DNAH14: variants seen among roughly 807,000 people sequenced by gnomAD.
DNAH14 encodes dynein axonemal heavy chain 14.
A neutral mutation model predicts 520.9 loss-of-function variants in DNAH14; 478 were observed. The ratio of observed to expected loss-of-function variants is 0.92; its 90% CI spans 0.85 to 0.99. DNAH14 has a LOEUF of 0.99. Among genes scored for constraint, DNAH14 ranks in the 50% least tolerant of loss-of-function variants. The pLI, the probability that DNAH14 is intolerant of heterozygous loss-of-function variation, is 0.00. For synonymous variants in DNAH14, 1,581 were observed against 1,757.2 expected (o/e 0.90, Z 2.51); for missense variants, 4,831 against 5,234.5 (o/e 0.92, Z 2.38).
intron 53 of DNAH14, among the ~76,000 whole-genome samples, chr1:225,276,985 GGGAGGGAGGAAGGA>G (rs1558241757): frequency 7.1e-4 from 21 of 29,406 alleles, no homozygotes; most frequent in African/African-American, 3.5e-3. Flanking sequence ...AAGGAAGGAA[GGGAGGGAGGAAGGA>G]AGGGAGGGAG....
intron 42 of DNAH14, among the ~76,000 whole-genome samples, chr1:225,234,602 A>T (rs1210920416): frequency 6.6e-6 from 1 of 152,178 alleles, no homozygotes; most frequent in Non-Finnish European, 1.5e-5. Context: ...GTAGTTTAAT[A>T]GGAATAGCAT....
chr1:225,127,489 TG>T (rs913017801), intron 27 of DNAH14, among the ~76,000 whole-genome samples: 2 of 152,184 alleles, frequency 1.3e-5, no homozygotes, highest in African/African-American at 4.8e-5. Flanking sequence ...CTTTGATCTT[TG>T]TTGGTTTAAA....
At chr1:225,112,516 G>C (rs1479977909) in intron 23 of DNAH14, among the ~76,000 whole-genome samples, 2 of 151,874 alleles carry the variant, frequency 1.3e-5, no homozygotes, top group Non-Finnish European at 2.9e-5. Context: ...CTTTCTCTAG[G>C]TTTGAGAAGT....
intron 17 of DNAH14, among the ~76,000 whole-genome samples, chr1:225,071,293 C>T (rs2071514152): frequency 6.6e-6 from 1 of 152,088 alleles, no homozygotes; most frequent in African/African-American, 2.4e-5. Flanking sequence ...CTGTGTACTT[C>T]AGTGTGTTTT....
At chr1:225,178,412 G>A (rs1301389162) in intron 36 of DNAH14, among the ~76,000 whole-genome samples, 2 of 152,112 alleles carry the variant, frequency 1.3e-5, no homozygotes, top group African/African-American at 4.8e-5. Flanking sequence ...GATCTCATGA[G>A]ACTTAATTCA....
Position 225,152,902 on chromosome 1 carries a change from C to T in DNAH14, c.5196+19C>T, listed in dbSNP as rs2080642743. On this transcript the variant is annotated intron_variant, in intron 33 of 85. Transcript: ENST00000682510. Reference sequence around the variant, plus strand: ...ACAACAGGTAAATAGCTACTTTTCTCAAAATATTTAAAGGTGATTATATAA... The same window carrying T: ...ACAACAGGTAAATAGCTACTTTTCTTAAAATATTTAAAGGTGATTATATAA... 3 of 1,542,914 alleles carry T rather than the reference C, an allele frequency of 1.9e-6. No homozygotes were observed. Among genetic ancestry groups the T allele is most frequent in the Non-Finnish European group, 2.6e-6 (3 of 1,144,798 alleles).
At chr1:225,323,841 G>A (rs963787624) in intron 62 of DNAH14, among the ~76,000 whole-genome samples, 3 of 151,678 alleles carry the variant, frequency 2.0e-5, no homozygotes, top group African/African-American at 7.3e-5. Context: ...TTTTTAGACA[G>A]AGTCTCACTC....
At chr1:225,035,975 A>G (rs1274398996) in intron 11 of DNAH14, among the ~76,000 whole-genome samples, 1 of 152,146 alleles carries the variant, frequency 6.6e-6, no homozygotes, top group Non-Finnish European at 1.5e-5. Flanking sequence ...CTTTCCCTTT[A>G]GATCTAATAA....
At chr1:225,361,019 C>T (rs535475806) in intron 75 of DNAH14, 128 bp downstream of exon 75, 8 of 807,640 alleles carry the variant, frequency 9.9e-6, no homozygotes, top group African/African-American at 8.7e-5. Flanking sequence ...TCAGATGAAA[C>T]TTAACCTATC....
intron 31 of DNAH14, among the ~76,000 whole-genome samples, chr1:225,149,970 T>C (rs1302588807): frequency 1.3e-5 from 2 of 152,182 alleles, no homozygotes; most frequent in Admixed American, 1.3e-4. Flanking sequence ...GGCATACTTG[T>C]CTTGTGTCAG....
chr1:225,366,624 C>T (rs1191572272), intron 76 of DNAH14, among the ~76,000 whole-genome samples: 1 of 152,184 alleles, frequency 6.6e-6, no homozygotes, highest in Non-Finnish European at 1.5e-5. Flanking sequence ...GAAAGGCAGA[C>T]ATGCCTTGGA....
In DNAH14 at chr1:225,043,779, A is replaced by G. The variant is rs761730068; in HGVS notation, c.1804A>G (p.Met602Val). 20 of 1,466,052 alleles carry G rather than the reference A, an allele frequency of 1.4e-5. No individual in the cohort carries two copies. The highest frequency in any genetic ancestry group is 1.6e-5 in the Non-Finnish European group (17 of 1,072,670). The allele number at this position is 1,466,052 out of a possible 1,614,324, so 90.8% of individuals were successfully genotyped here. Residue 602 changes from methionine (M) to valine (V), a missense_variant, in exon 14 of 86, where the codon ATG becomes GTG. Met to Val is a conservative substitution (Grantham distance 21, BLOSUM62 1). Transcript: ENST00000682510. The stretch of plus-strand genomic sequence containing the variant: ...TGAGACTGAGTTTGAGAATAAATAC[A>G]TGTATTATGAGTAAGTATTAGACAT... The part of the protein sequence containing the change: ...EIETEFENKY[M>V]YYEFPEFPTN...
Position 225,300,861 on chromosome 1 carries a change from T to G in DNAH14, c.8470-8T>G. On this transcript the variant is annotated splice_region_variant and splice_polypyrimidine_tract_variant and intron_variant, in intron 55 of 85. Transcript: ENST00000682510. ...ACTCTTCCTCATTAAATATGTGTTT[T>G]GCCTAAGGACTCATTTTTAGAAGAT... 6.5e-7 allele frequency: 1 copy of G among 1,550,356 alleles called. No individual in the cohort carries two copies. Among genetic ancestry groups the G allele is most frequent in the Non-Finnish European group, 8.7e-7 (1 of 1,146,536 alleles).
In DNAH14 at chr1:225,080,421, A is replaced by C. The variant is rs906216656; in HGVS notation, c.2809A>C (p.Thr937Pro). The C allele has an allele frequency of 6.5e-7, 1 of 1,549,952 alleles. No individual in the cohort carries two copies. The highest frequency in any genetic ancestry group is 2.0e-5 in the Admixed American group (1 of 50,816). Residue 937 changes from threonine to proline, a missense_variant, in exon 19 of 86, where the codon ACA becomes CCA. Thr to Pro is a conservative substitution (Grantham distance 38). Transcript: ENST00000682510. ...LLLCAGTQVS[T>P]AMEMIQTLSG... ...GTTATGTGCTGGTACTCAAGTGTCA[A>C]CAGCAATGGAAATGATCCAGACTCT... is the stretch of plus-strand genomic sequence containing the variant.
intron 36 of DNAH14, among the ~76,000 whole-genome samples, chr1:225,171,525 A>AT (rs1319726862): frequency 2.0e-5 from 3 of 152,338 alleles, no homozygotes; most frequent in African/African-American, 7.2e-5. Context: ...TCTAGAAGAA[A>AT]TGGAAAAATT....
chr1:225,008,649 T>C (rs2064412301), intron 10 of DNAH14, among the ~76,000 whole-genome samples: 1 of 149,242 alleles, frequency 6.7e-6, no homozygotes, highest in African/African-American at 2.5e-5. Flanking sequence ...ATTGTCTTGA[T>C]CTCCTGACCT....
intron 60 of DNAH14, among the ~76,000 whole-genome samples, chr1:225,314,236 T>C (rs2094426064): frequency 6.6e-6 from 1 of 152,234 alleles, no homozygotes; most frequent in Non-Finnish European, 1.5e-5. Flanking sequence ...TTAAAGTCTG[T>C]TTTATCAGAG....
chr1:225,220,734 A>AG (rs1227037573), intron 41 of DNAH14, among the ~76,000 whole-genome samples: 19 of 152,290 alleles, frequency 1.2e-4, no homozygotes, highest in African/African-American at 4.3e-4. Flanking sequence ...TGCCCAAAAT[A>AG]ATTTATAGAT....
At chr1:225,208,731 TTAGA>T (rs1028518876) in intron 41 of DNAH14, among the ~76,000 whole-genome samples, 2 of 152,128 alleles carry the variant, frequency 1.3e-5, no homozygotes, top group Non-Finnish European at 1.5e-5. Context: ...CCTAGAAATG[TTAGA>T]TAGATAAATT....
Sources: gnomAD v4.1 joint callset for allele counts (sites outside exome capture counted in the v4.1 genomes callset) on GRCh38, gnomAD v4.1.1 for gene constraint, MANE v1.5 for transcripts, NCBI Gene and HGNC (gene_info 2026-07-23, HGNC 2026-07-21) for gene names.